Variants in KCNN2 observed in about 807,000 individuals in gnomAD.
The protein encoded by KCNN2 is potassium calcium-activated channel subfamily N member 2.
A neutral mutation model predicts 55.5 loss-of-function variants in KCNN2; 24 were observed. That is an observed-to-expected ratio of 0.43 (90% confidence interval 0.31 to 0.61). The LOEUF is 0.61. Among genes scored for constraint, KCNN2 ranks in the 20% least tolerant of loss-of-function variants. KCNN2 has a pLI of 0.08. For missense variants in KCNN2, 754 were observed against 853.6 expected, an observed-to-expected ratio of 0.88 and a Z score of 1.45; for synonymous variants, 431 against 336.1, an observed-to-expected ratio of 1.28 and a Z score of -3.09.
At chr5:114,385,943 C>T (rs1758268407) in intron 2 of KCNN2, among the ~76,000 whole-genome samples, 1 of 151,404 alleles carries the variant, frequency 6.6e-6, no homozygotes, top group Non-Finnish European at 1.5e-5. Flanking sequence ...CTTTGGGAGG[C>T]CGAGGCGGGC....
intron 3 of KCNN2, among the ~76,000 whole-genome samples, chr5:114,430,508 C>T (rs1214334714): frequency 6.6e-6 from 1 of 152,026 alleles, no homozygotes; most frequent in African/African-American, 2.4e-5. Flanking sequence ...GTTCTTGTCC[C>T]TTCCTTGGGA....
chr5:114,353,315 T>A (rs781410024), intron 2 of KCNN2, among the ~76,000 whole-genome samples: 4 of 151,984 alleles, frequency 2.6e-5, no homozygotes, highest in Non-Finnish European at 5.9e-5. Flanking sequence ...CTTCATTTCT[T>A]CCTGTGAATT....
chr5:114,347,919 T>G (rs1757140354), intron 2 of KCNN2, among the ~76,000 whole-genome samples: 1 of 152,168 alleles, frequency 6.6e-6, no homozygotes. Context: ...ACTCCCTTAG[T>G]CTCTCTTTTG....
chr5:114,398,672 A>G (rs1758694136), intron 2 of KCNN2, among the ~76,000 whole-genome samples: 1 of 152,034 alleles, frequency 6.6e-6, no homozygotes, highest in Non-Finnish European at 1.5e-5. Context: ...GATTCTTGCT[A>G]TCCGTGGAAT....
chr5:114,112,823 G>A (rs994281469), intron 1 of KCNN2, among the ~76,000 whole-genome samples: 1 of 152,058 alleles, frequency 6.6e-6, no homozygotes, highest in African/African-American at 2.4e-5. Flanking sequence ...ACATGAGAGT[G>A]AGGGCATATT....
At chr5:114,067,041 A>G (rs1226259037) in intron 1 of KCNN2, among the ~76,000 whole-genome samples, 1 of 152,260 alleles carries the variant, frequency 6.6e-6, no homozygotes, top group Non-Finnish European at 1.5e-5. Flanking sequence ...CAGTGTTGAC[A>G]GAACAATTCA....
intron 5 of KCNN2, among the ~76,000 whole-genome samples, chr5:114,479,870 G>A (rs916983103): frequency 2.6e-5 from 4 of 152,124 alleles, no homozygotes; most frequent in Non-Finnish European, 5.9e-5. Context: ...TCTCTGGGAT[G>A]CAGCTAAAGC....
chr5:114,056,887 G>C lies in KCNN2; in HGVS notation c.-271+387G>C, dbSNP rs547784321. ...CTGTCTATGAAAATATGAACCAAAT[G>C]AAGGGAGAGAGGGCAGAAGGTTGTG... On this transcript the variant is annotated intron_variant, in intron 1 of 10. Coordinates refer to the KCNN2 transcript ENST00000512097. Among the ~76,000 whole-genome samples, 3 of 152,238 alleles carry C rather than the reference G, an allele frequency of 2.0e-5. No homozygotes were observed. In the South Asian group the frequency reaches 6.2e-4, roughly 32 times the overall value.
chr5:114,428,979 C>T (rs948756552), intron 3 of KCNN2, among the ~76,000 whole-genome samples: 2 of 152,060 alleles, frequency 1.3e-5, no homozygotes, highest in African/African-American at 4.8e-5. Context: ...TAGAGGGCAT[C>T]TTGGTGGCTT....
intron 2 of KCNN2, among the ~76,000 whole-genome samples, chr5:114,398,848 G>A (rs1758698866): frequency 6.6e-6 from 1 of 152,114 alleles, no homozygotes; most frequent in Non-Finnish European, 1.5e-5. Flanking sequence ...CAACTTGAAT[G>A]CTATTGGTGT....
chr5:114,383,947 A>C (rs1758203197), intron 2 of KCNN2, among the ~76,000 whole-genome samples: 2 of 152,230 alleles, frequency 1.3e-5, no homozygotes, highest in African/African-American at 4.8e-5. Flanking sequence ...TCATGTGCCT[A>C]CTGAGAACAA....
chr5:114,298,931 T>C (rs1756092688), intron 2 of KCNN2, among the ~76,000 whole-genome samples: 1 of 152,148 alleles, frequency 6.6e-6, no homozygotes, highest in African/African-American at 2.4e-5. Flanking sequence ...TCACTATCAG[T>C]ATAAATTAGG....
intron 1 of KCNN2, among the ~76,000 whole-genome samples, chr5:114,087,991 T>A (rs1315354778): frequency 6.6e-6 from 1 of 152,142 alleles, no homozygotes; most frequent in African/African-American, 2.4e-5. Flanking sequence ...TTTTTTATAG[T>A]TTGCAGATTC....
chr5:114,085,843 G>A (rs1038573069), intron 1 of KCNN2, among the ~76,000 whole-genome samples: 13 of 151,984 alleles, frequency 8.6e-5, no homozygotes, highest in African/African-American at 2.9e-4. Context: ...TCTAGTAATA[G>A]TTATTATGTT....
At chr5:114,462,245 T>C (rs1761238674) in intron 3 of KCNN2, among the ~76,000 whole-genome samples, 1 of 152,186 alleles carries the variant, frequency 6.6e-6, no homozygotes, top group African/African-American at 2.4e-5. Flanking sequence ...AACCGAAGTG[T>C]GATAGGATAC....
intron 1 of KCNN2, among the ~76,000 whole-genome samples, chr5:114,152,857 A>G (rs1284862875): frequency 1.3e-5 from 2 of 152,192 alleles, no homozygotes; most frequent in African/African-American, 4.8e-5. Context: ...ATGAGGAACC[A>G]TAAGACCAAG....
Position 114,097,147 on chromosome 5 carries a change from A to G in KCNN2, c.-271+40647A>G, listed in dbSNP as rs79982947. On this transcript the variant is annotated intron_variant, in intron 1 of 10. Coordinates refer to the KCNN2 transcript ENST00000512097. ...ACTTGAATGGTTAGATTTGATAGACATTGTTCGGGAAATATGCTTTTTATG... is the reference window on the plus strand; with the variant it reads ...ACTTGAATGGTTAGATTTGATAGACGTTGTTCGGGAAATATGCTTTTTATG... Among the ~76,000 whole-genome samples, 775 of 152,326 alleles carry G rather than the reference A, an allele frequency of 5.1e-3. 2 individuals carry two copies. The highest frequency in any genetic ancestry group is 8.6e-3 in the African/African-American group (359 of 41,588).
intron 2 of KCNN2, among the ~76,000 whole-genome samples, chr5:114,325,627 T>C (rs1580723295): frequency 6.6e-6 from 1 of 152,236 alleles, no homozygotes. Context: ...GATGGAATTA[T>C]CTTGGAAAGA....
At chr5:114,402,651 A>G (rs543623894) in intron 2 of KCNN2, among the ~76,000 whole-genome samples, 1 of 152,322 alleles carries the variant, frequency 6.6e-6, no homozygotes, top group South Asian at 2.1e-4. Flanking sequence ...CTGTGGGGAA[A>G]GTGCATGCTG....
Sources: gnomAD v4.1 joint callset for allele counts (sites outside exome capture counted in the v4.1 genomes callset) on GRCh38, gnomAD v4.1.1 for gene constraint, MANE v1.5 for transcripts, NCBI Gene and HGNC (gene_info 2026-07-23, HGNC 2026-07-21) for gene names.